Variants in SMIM36 observed in about 807,000 individuals in gnomAD.
SMIM36 encodes small integral membrane protein 36.
Position 55,501,484 on chromosome 17 carries a change from T to TATATA in SMIM36, c.*174+9390_*174+9394dup, listed in dbSNP as rs568668324. On this transcript the variant is annotated intron_variant, in intron 1 of 4. Coordinates refer to ENST00000636752, the Ensembl canonical transcript of SMIM36. ...TATATATTATATTTTATAATTATTA[T>TATATA]ATATAATATAATATAATATATTATT... Among the ~76,000 whole-genome samples, 478 of 98,734 alleles carry TATATA rather than the reference T, an allele frequency of 4.8e-3. 7 individuals carry two copies. Among genetic ancestry groups the TATATA allele is most frequent in the African/African-American group, 0.019 (448 of 24,156 alleles). 64.8% of individuals were successfully genotyped at this position (98,734 alleles called of 152,430 possible).
At chr17:55,489,341 G>A (rs1909662488) in intron 1 of SMIM36, among the ~76,000 whole-genome samples, 1 of 151,754 alleles carries the variant, frequency 6.6e-6, no homozygotes, top group African/African-American at 2.4e-5. Context: ...TCACTCCACT[G>A]CACTCTTGCC....
chr17:55,470,077 G>A (rs976790808), intron 3 of SMIM36, among the ~76,000 whole-genome samples: 1 of 152,148 alleles, frequency 6.6e-6, no homozygotes, highest in African/African-American at 2.4e-5. Context: ...CTTGCTTCAA[G>A]TGCCGGAAAT....
At chr17:55,499,523 T>C (rs1004478716) in intron 1 of SMIM36, among the ~76,000 whole-genome samples, 4 of 152,186 alleles carry the variant, frequency 2.6e-5, no homozygotes, top group Admixed American at 6.5e-5. Flanking sequence ...AATGATATCA[T>C]GAATAAAAAG....
intron 1 of SMIM36, among the ~76,000 whole-genome samples, chr17:55,484,450 G>A (rs910047618): frequency 9.9e-5 from 15 of 152,190 alleles, no homozygotes; most frequent in African/African-American, 3.4e-4. Flanking sequence ...AAAGGTAGAC[G>A]AAGAACTTTA....
intron 1 of SMIM36, among the ~76,000 whole-genome samples, chr17:55,493,799 T>TCA (rs1909757601): frequency 1.0e-5 from 1 of 96,952 alleles, no homozygotes. Context: ...AGCAGAGCTC[T>TCA]CTCTCTCTCA....
exon 1 of SMIM36, chr17:55,511,159 C>T (rs768225581): frequency 1.5e-5 from 6 of 398,528 alleles, no homozygotes; most frequent in South Asian, 1.3e-4. Context: ...CACCACCAAC[C>T]GGATGGAGGG....
intron 4 of SMIM36, among the ~76,000 whole-genome samples, chr17:55,460,089 GT>G (rs1272480637): frequency 1.3e-5 from 2 of 152,076 alleles, no homozygotes; most frequent in Admixed American, 1.3e-4. Flanking sequence ...GGTCTTTGCA[GT>G]TTTCAAAGTC....
intron 4 of SMIM36, among the ~76,000 whole-genome samples, chr17:55,452,984 T>TGAA (rs1275669168): frequency 2.6e-5 from 4 of 152,198 alleles, no homozygotes; most frequent in Non-Finnish European, 5.9e-5. Context: ...TCCTTTTCTC[T>TGAA]GAAGTACACC....
At chr17:55,492,623 C>T (rs1036901644) in intron 1 of SMIM36, among the ~76,000 whole-genome samples, 2 of 136,010 alleles carry the variant, frequency 1.5e-5, no homozygotes, top group South Asian at 2.3e-4. Context: ...ACAAATACAC[C>T]CACTTAAAAA....
intron 3 of SMIM36, among the ~76,000 whole-genome samples, 152 bp downstream of exon 3, chr17:55,478,610 T>G (rs1909466123): frequency 6.6e-6 from 1 of 152,176 alleles, no homozygotes. Context: ...CTCAAGAGGA[T>G]AGAAACTGTC....
chr17:55,456,503 A>G (rs1447533384), intron 4 of SMIM36, among the ~76,000 whole-genome samples: 1 of 152,190 alleles, frequency 6.6e-6, no homozygotes, highest in Non-Finnish European at 1.5e-5. Flanking sequence ...GACTTATTGC[A>G]CAACCAGGAC....
At chr17:55,509,768 A>T (rs1029418693) in intron 1 of SMIM36, among the ~76,000 whole-genome samples, 10 of 152,166 alleles carry the variant, frequency 6.6e-5, no homozygotes, top group African/African-American at 2.4e-4. Flanking sequence ...ATAAAAATAC[A>T]CACAATGGAG....
intron 1 of SMIM36, among the ~76,000 whole-genome samples, chr17:55,499,893 AT>A (rs1313455971): frequency 6.6e-6 from 1 of 151,030 alleles, no homozygotes; most frequent in East Asian, 1.9e-4. Flanking sequence ...ATATTTAAAA[AT>A]AAGACACAAT....
chr17:55,524,786 A>T, the SMIM36 span, among the ~76,000 whole-genome samples: 1 of 152,242 alleles, frequency 6.6e-6, no homozygotes. Flanking sequence ...TATTACTAGT[A>T]GCAATTGTAT....
the SMIM36 span, among the ~76,000 whole-genome samples, chr17:55,529,790 G>A: frequency 2.0e-5 from 3 of 147,176 alleles, no homozygotes; most frequent in African/African-American, 5.4e-5. Context: ...GACCCTGTCC[G>A]AAAAACAAAC....
intron 1 of SMIM36, among the ~76,000 whole-genome samples, chr17:55,500,620 C>G (rs939441977): frequency 2.0e-5 from 3 of 149,360 alleles, no homozygotes; most frequent in Admixed American, 6.9e-5. Flanking sequence ...TAGTTTTTTC[C>G]GAGAGAGAAA....
chr17:55,530,867 TA>T, the SMIM36 span, among the ~76,000 whole-genome samples: 1 of 152,090 alleles, frequency 6.6e-6, no homozygotes, highest in Admixed American at 6.6e-5. Context: ...GAGGAAGAAA[TA>T]AGTGACAGGT....
chr17:55,484,391 G>A (rs1056000632), intron 1 of SMIM36, among the ~76,000 whole-genome samples: 2 of 152,210 alleles, frequency 1.3e-5, no homozygotes, highest in African/African-American at 4.8e-5. Context: ...AACATCGAAT[G>A]TAATAATTGA....
chr17:55,525,021 G>A, the SMIM36 span, among the ~76,000 whole-genome samples: 1 of 152,190 alleles, frequency 6.6e-6, no homozygotes, highest in African/African-American at 2.4e-5. Flanking sequence ...ACAGGTTGAG[G>A]AAGTTGCCCA....
Sources: allele counts gnomAD v4.1 joint callset (sites outside exome capture counted in the v4.1 genomes callset), GRCh38; gene constraint gnomAD v4.1.1; transcripts MANE v1.5; gene names NCBI Gene and HGNC (gene_info 2026-07-23, HGNC 2026-07-21).